ZBTB20: variants seen among roughly 807,000 people sequenced by gnomAD.
The protein encoded by ZBTB20 is zinc finger and BTB domain-containing protein 20.
Under a neutral mutation model 56.9 loss-of-function variants are expected in ZBTB20, and 9 were observed. The ratio of observed to expected loss-of-function variants is 0.16; its 90% CI spans 0.10 to 0.28. The LOEUF (loss-of-function observed/expected upper bound fraction) is 0.28, where lower values mean the gene tolerates loss of function less well. ZBTB20 is among the 10% of genes least tolerant of loss of function. The probability of loss-of-function intolerance (pLI) is 1.00; values close to 1 mark genes in which losing one functional copy is unlikely to be tolerated. For synonymous variants in ZBTB20, 417 were observed against 420.7 expected (o/e 0.99, Z 0.11); for missense variants, 655 against 1,003.0 (o/e 0.65, Z 4.69).
Position 114,325,868 on chromosome 3 carries a change from C to A in ZBTB20, c.*13137G>T. On this transcript the variant is annotated 3_prime_UTR_variant, in exon 12 of 12. Coordinates refer to ENST00000675478, the MANE Select transcript of ZBTB20 (RefSeq NM_001348800.3). ...GCTTTCAAATGAAGTACTACAATTTCCTTTTTTAAAAAAATAGTTTCTAAT... is the reference window on the plus strand; with the variant it reads ...GCTTTCAAATGAAGTACTACAATTTACTTTTTTAAAAAAATAGTTTCTAAT... 6.6e-6 allele frequency: 1 copy of A among 152,104 alleles called. No homozygotes were observed. The highest frequency in any genetic ancestry group is 1.9e-4 in the East Asian group (1 of 5,192). The allele number at this position is 152,104 out of a possible 1,614,324, so 9.4% of individuals were successfully genotyped here. A position where few individuals can be genotyped will look rare whatever the true frequency, so the allele number is the denominator to read the frequency against.
intron 5 of ZBTB20, among the ~76,000 whole-genome samples, chr3:114,757,627 G>T (rs1426996423): frequency 2.6e-5 from 4 of 151,962 alleles, no homozygotes; most frequent in South Asian, 2.1e-4. Context: ...GAAATCTGAG[G>T]ACAGAATGTG....
chr3:114,627,575 T>C (rs2058718914), intron 6 of ZBTB20, among the ~76,000 whole-genome samples: 1 of 152,084 alleles, frequency 6.6e-6, no homozygotes. Context: ...CAAGGTTCAA[T>C]AGCAATGCCA....
intron 6 of ZBTB20, among the ~76,000 whole-genome samples, chr3:114,619,641 C>T (rs2058182200): frequency 6.6e-6 from 1 of 151,946 alleles, no homozygotes; most frequent in South Asian, 2.1e-4. Context: ...CGACTTGGTG[C>T]CCCTCTCCTC....
chr3:114,818,050 G>A (rs543454969), intron 4 of ZBTB20, among the ~76,000 whole-genome samples: 13 of 152,158 alleles, frequency 8.5e-5, no homozygotes, highest in Admixed American at 3.3e-4. Flanking sequence ...ATCACATATC[G>A]TTTTTGTCAT....
chr3:114,400,846 G>A (rs2733404), intron 7 of ZBTB20, among the ~76,000 whole-genome samples: 1 of 152,070 alleles, frequency 6.6e-6, no homozygotes, highest in Non-Finnish European at 1.5e-5. Flanking sequence ...TAACCTAAGT[G>A]CTCTGATTGA....
At chr3:114,572,961 T>A (rs1342221530) in intron 6 of ZBTB20, among the ~76,000 whole-genome samples, 1 of 152,256 alleles carries the variant, frequency 6.6e-6, no homozygotes, top group African/African-American at 2.4e-5. Context: ...ACATACTGTG[T>A]CCTTTATTTT....
At chr3:114,716,395 C>T (rs1396782450) in intron 5 of ZBTB20, among the ~76,000 whole-genome samples, 1 of 152,140 alleles carries the variant, frequency 6.6e-6, no homozygotes, top group Admixed American at 6.6e-5. Flanking sequence ...AAGACACTAT[C>T]ATATTTCTTC....
chr3:114,862,863 C>T (rs1321896209), intron 4 of ZBTB20, among the ~76,000 whole-genome samples: 2 of 152,020 alleles, frequency 1.3e-5, no homozygotes, highest in East Asian at 3.9e-4. Flanking sequence ...CAATATATAA[C>T]CAAATCTAGG....
At chr3:114,548,820 A>G (rs773240762) in intron 6 of ZBTB20, among the ~76,000 whole-genome samples, 14 of 152,270 alleles carry the variant, frequency 9.2e-5, no homozygotes, top group African/African-American at 3.4e-4. Context: ...CACTTGGCCT[A>G]TGACTGGACT....
intron 2 of ZBTB20, among the ~76,000 whole-genome samples, chr3:115,028,532 T>C (rs932343537): frequency 2.0e-5 from 3 of 150,564 alleles, no homozygotes; most frequent in Admixed American, 1.3e-4. Context: ...CACAAGAAAA[T>C]TTTAAATTGC....
chr3:114,455,563 C>T (rs1002238167), intron 7 of ZBTB20, among the ~76,000 whole-genome samples: 2 of 152,070 alleles, frequency 1.3e-5, no homozygotes, highest in African/African-American at 2.4e-5. Flanking sequence ...CAGACAGATG[C>T]TGCAGAGAAC....
intron 1 of ZBTB20, among the ~76,000 whole-genome samples, chr3:115,128,829 GT>G (rs1485937279): frequency 6.6e-6 from 1 of 152,090 alleles, no homozygotes; most frequent in African/African-American, 2.4e-5. Context: ...GCAGGGCACG[GT>G]GGCTCACGCC....
chr3:114,668,613 T>C (rs1464363092), intron 6 of ZBTB20, among the ~76,000 whole-genome samples: 1 of 152,018 alleles, frequency 6.6e-6, no homozygotes, highest in Non-Finnish European at 1.5e-5. Flanking sequence ...AGGTCTCTCT[T>C]TAGCTAGGTG....
chr3:114,477,132 A>G (rs1333531564), intron 7 of ZBTB20, among the ~76,000 whole-genome samples: 1 of 152,226 alleles, frequency 6.6e-6, no homozygotes, highest in Non-Finnish European at 1.5e-5. Context: ...TTATAAAGAA[A>G]CATCACATAT....
chr3:114,608,116 G>A (rs2057303703), intron 6 of ZBTB20, among the ~76,000 whole-genome samples: 1 of 151,958 alleles, frequency 6.6e-6, no homozygotes, highest in African/African-American at 2.4e-5. Flanking sequence ...AAAAGCATAA[G>A]GCAATTGATA....
intron 2 of ZBTB20, among the ~76,000 whole-genome samples, chr3:115,060,904 T>A (rs1343757522): frequency 1.3e-5 from 2 of 152,128 alleles, no homozygotes; most frequent in Non-Finnish European, 2.9e-5. Flanking sequence ...TATTCAATAT[T>A]TCAGAATTTT....
intron 6 of ZBTB20, among the ~76,000 whole-genome samples, chr3:114,634,795 G>C (rs1165652677): frequency 6.6e-6 from 1 of 152,202 alleles, no homozygotes; most frequent in African/African-American, 2.4e-5. Flanking sequence ...CAGAAAGTGA[G>C]ATTGGAGTGT....
chr3:114,763,710 C>T (rs961016767), intron 5 of ZBTB20, among the ~76,000 whole-genome samples: 7 of 151,886 alleles, frequency 4.6e-5, no homozygotes, highest in Non-Finnish European at 7.4e-5. Flanking sequence ...AAGATTTCAA[C>T]AAAATGTCAT....
intron 6 of ZBTB20, among the ~76,000 whole-genome samples, chr3:114,542,305 A>C (rs1287220104): frequency 6.6e-6 from 1 of 152,238 alleles, no homozygotes; most frequent in African/African-American, 2.4e-5. Context: ...GAGAAATTCT[A>C]GCCCAACATG....
Sources: allele counts gnomAD v4.1 joint callset (sites outside exome capture counted in the v4.1 genomes callset), GRCh38; gene constraint gnomAD v4.1.1; transcripts MANE v1.5; gene names NCBI Gene and HGNC (gene_info 2026-07-23, HGNC 2026-07-21).